The following NRG1 variants were observed in gnomAD, a reference collection of about 807,000 sequenced individuals.
The protein encoded by NRG1 is pro-neuregulin-1, membrane-bound isoform.
A neutral mutation model predicts 63.8 loss-of-function variants in NRG1; 18 were observed. The ratio of observed to expected loss-of-function variants is 0.28; its 90% CI spans 0.19 to 0.42. The LOEUF (loss-of-function observed/expected upper bound fraction) is 0.42. NRG1 is among the 10% of genes least tolerant of loss of function. The probability of loss-of-function intolerance (pLI) is 1.00; values close to 1 mark genes in which losing one functional copy is unlikely to be tolerated. For missense variants in NRG1, 762 were observed against 814.7 expected (o/e 0.94, Z 0.79); for synonymous variants, 302 against 301.3 (o/e 1.00, Z -0.02).
intron 1 of NRG1, among the ~76,000 whole-genome samples, chr8:31,856,756 G>C (rs1006652032): frequency 6.6e-6 from 1 of 152,010 alleles, no homozygotes; most frequent in African/African-American, 2.4e-5. Flanking sequence ...ATCTACTTTT[G>C]GTCTTTGATG....
At chr8:31,793,531 A>G (rs762300011) in intron 1 of NRG1, among the ~76,000 whole-genome samples, 16 of 152,232 alleles carry the variant, frequency 1.1e-4, no homozygotes, top group Non-Finnish European at 1.9e-4. Flanking sequence ...AATATATCTG[A>G]TTTTGGTAAA....
chr8:32,476,158 A>G (rs991121750), intron 1 of NRG1, among the ~76,000 whole-genome samples: 9 of 152,324 alleles, frequency 5.9e-5, no homozygotes, highest in Non-Finnish European at 1.3e-4. Context: ...TTGGGGAAAA[A>G]AGGAAAATTG....
intron 5 of NRG1, among the ~76,000 whole-genome samples, chr8:32,648,735 G>T (rs553520131): frequency 3.7e-4 from 57 of 152,076 alleles, no homozygotes; most frequent in Non-Finnish European, 6.9e-4. Flanking sequence ...ATGTTTTATA[G>T]AAATGTGACT....
intron 1 of NRG1, among the ~76,000 whole-genome samples, chr8:32,253,798 T>C (rs1849381102): frequency 6.6e-6 from 1 of 152,182 alleles, no homozygotes; most frequent in South Asian, 2.1e-4. Context: ...CTGGTAGAAA[T>C]CGGCTGTGAA....
intron 1 of NRG1, among the ~76,000 whole-genome samples, chr8:32,432,109 G>T (rs35469078): frequency 0.052 from 7,957 of 152,202 alleles, 280 homozygotes; most frequent in Middle Eastern, 0.088. Flanking sequence ...GGTGGGAAAG[G>T]CCTGTCAAGA....
chr8:31,883,246 A>G (rs554419188), intron 1 of NRG1, among the ~76,000 whole-genome samples: 2 of 152,176 alleles, frequency 1.3e-5, no homozygotes, highest in Non-Finnish European at 2.9e-5. Context: ...GAAGATTCAG[A>G]TGATCATTAG....
chr8:32,163,855 T>G (rs1454833900), intron 1 of NRG1, among the ~76,000 whole-genome samples: 2 of 152,164 alleles, frequency 1.3e-5, no homozygotes, highest in African/African-American at 2.4e-5. Flanking sequence ...CGCTAGGAAG[T>G]CTTTGGTTAA....
Position 31,809,602 on chromosome 8 carries a change from A to T in NRG1, c.37+170171A>T, listed in dbSNP as rs189525519. Among the ~76,000 whole-genome samples the T allele has an allele frequency of 7.7e-4, 116 of 150,822 alleles. 1 individual carries two copies. The highest frequency in any genetic ancestry group is 1.4e-3 in the Non-Finnish European group (94 of 67,664). ...CTTATCCTAAATGAAATTTTATTTT[A>T]TTTTTAAAGTGATTATATTTTAAAT... On this transcript the variant is annotated intron_variant, in intron 1 of 10. Transcript: ENST00000519301.
chr8:32,403,139 A>T (rs1316823711), intron 1 of NRG1, among the ~76,000 whole-genome samples: 2 of 151,992 alleles, frequency 1.3e-5, no homozygotes, highest in Non-Finnish European at 2.9e-5. Flanking sequence ...TCTCTACTAA[A>T]AATATAAAAA....
intron 1 of NRG1, among the ~76,000 whole-genome samples, chr8:32,431,082 G>A (rs193177879): frequency 1.4e-3 from 208 of 152,208 alleles, no homozygotes; most frequent in African/African-American, 4.8e-3. Flanking sequence ...CACACATTTA[G>A]AGAATGAATG....
intron 1 of NRG1, among the ~76,000 whole-genome samples, chr8:32,147,201 T>C (rs1836963076): frequency 6.6e-6 from 1 of 152,162 alleles, no homozygotes; most frequent in Non-Finnish European, 1.5e-5. Context: ...CTTGACAATA[T>C]ACGTCAAATT....
At chr8:31,942,995 C>A (rs572695451) in intron 1 of NRG1, among the ~76,000 whole-genome samples, 4 of 152,052 alleles carry the variant, frequency 2.6e-5, no homozygotes, top group African/African-American at 9.6e-5. Context: ...AGTAGATCTA[C>A]CATTTGATCC....
chr8:31,910,988 A>G lies in NRG1; in HGVS notation c.37+271557A>G, dbSNP rs200782707. Among the ~76,000 whole-genome samples, 3 of 152,114 alleles carry G rather than the reference A, an allele frequency of 2.0e-5. No individual in the cohort carries two copies. In the East Asian group the frequency reaches 5.8e-4, roughly 29 times the overall value. The stretch of plus-strand genomic sequence containing the variant: ...GGAGTGTGAAGTACTTTCTTCACTG[A>G]TTTCTGACATTCCGATTTGTCTTAC... On this transcript the variant is annotated intron_variant, in intron 1 of 10. Coordinates refer to the NRG1 transcript ENST00000519301.
intron 1 of NRG1, among the ~76,000 whole-genome samples, chr8:31,963,174 T>C (rs966868138): frequency 1.3e-5 from 2 of 152,182 alleles, no homozygotes; most frequent in Admixed American, 6.5e-5. Context: ...ACACAGATCA[T>C]AGGCTGTAAC....
At chr8:31,822,685 A>G (rs185052543) in intron 1 of NRG1, among the ~76,000 whole-genome samples, 1,856 of 152,340 alleles carry the variant, frequency 0.012, 15 homozygotes, top group Non-Finnish European at 0.017. Context: ...TGGGAGCCAG[A>G]TACAGACTTA....
intron 1 of NRG1, among the ~76,000 whole-genome samples, chr8:32,173,196 A>G (rs1487904756): frequency 6.6e-6 from 1 of 152,174 alleles, no homozygotes; most frequent in Non-Finnish European, 1.5e-5. Context: ...CAACATTCTT[A>G]AAGAAAAGAA....
intron 1 of NRG1, among the ~76,000 whole-genome samples, chr8:32,107,060 T>TACAACA (rs10633352): frequency 5.7e-4 from 85 of 150,180 alleles, no homozygotes; most frequent in Admixed American, 2.1e-3. Context: ...CTACTAAAAA[T>TACAACA]ACAACAACAA....
intron 1 of NRG1, among the ~76,000 whole-genome samples, chr8:31,789,854 C>A (rs1449789042): frequency 2.6e-5 from 4 of 152,114 alleles, no homozygotes; most frequent in Non-Finnish European, 5.9e-5. Flanking sequence ...TCTTTATTAG[C>A]AAATCAACAG....
intron 1 of NRG1, among the ~76,000 whole-genome samples, chr8:32,461,353 A>G (rs1398190807): frequency 2.0e-5 from 3 of 152,182 alleles, no homozygotes; most frequent in Admixed American, 6.5e-5. Context: ...TTATACTACT[A>G]TAGCTGTTGT....
Sources: gnomAD v4.1 joint callset for allele counts (sites outside exome capture counted in the v4.1 genomes callset) on GRCh38, gnomAD v4.1.1 for gene constraint, MANE v1.5 for transcripts, NCBI Gene and HGNC (gene_info 2026-07-23, HGNC 2026-07-21) for gene names.